The following PRKAG2 variants were observed in gnomAD, a reference collection of about 807,000 sequenced individuals.
PRKAG2 encodes the protein 5'-AMP-activated protein kinase subunit gamma-2.
In PRKAG2, 26 loss-of-function variants were observed where a neutral mutation model predicts 69.6. The observed-to-expected ratio is 0.37, with a 90% CI of 0.27 to 0.52. The LOEUF is 0.52. Ranked by LOEUF, PRKAG2 falls within the 20% of genes least tolerant of loss-of-function variation. The probability of loss-of-function intolerance (pLI) is 0.90; values close to 1 mark genes in which losing one functional copy is unlikely to be tolerated. For missense variants in PRKAG2, 557 were observed against 740.0 expected (o/e 0.75, Z 2.87); for synonymous variants, 293 against 285.0 (o/e 1.03, Z -0.28).
At chr7:151,789,580 CG>C (rs58027842) in intron 1 of PRKAG2, among the ~76,000 whole-genome samples, 26,307 of 152,204 alleles carry the variant, frequency 0.17, 5,780 homozygotes, top group African/African-American at 0.51. Flanking sequence ...CCCAGCCACT[CG>C]TACCGTCACC....
intron 4 of PRKAG2, among the ~76,000 whole-genome samples, chr7:151,665,206 T>C (rs1314634379): frequency 6.6e-6 from 1 of 152,130 alleles, no homozygotes; most frequent in East Asian, 1.9e-4. Context: ...GAGTGCTCAG[T>C]GCCTAGGACA....
intron 3 of PRKAG2, among the ~76,000 whole-genome samples, chr7:151,676,506 G>C (rs1832969992): frequency 6.6e-6 from 1 of 152,166 alleles, no homozygotes; most frequent in South Asian, 2.1e-4. Flanking sequence ...AGGAAGACTG[G>C]AGACATGAAT....
At chr7:151,689,722 C>T (rs1416619004) in intron 3 of PRKAG2, among the ~76,000 whole-genome samples, 2 of 152,186 alleles carry the variant, frequency 1.3e-5, no homozygotes, top group African/African-American at 4.8e-5. Flanking sequence ...CCAACCAGGG[C>T]TCTCCTGGGG....
rs1356372482 is a variant in PRKAG2, at chr7:151,784,530, C to T, written c.186+1940G>A. Reference sequence around the variant, plus strand: ...CTGACAGCTGGCTAGGCTTCAGAGACGCAGTGACAGGGCCGGGGAGGTGTC... The same window carrying T: ...CTGACAGCTGGCTAGGCTTCAGAGATGCAGTGACAGGGCCGGGGAGGTGTC... On this transcript the variant is annotated intron_variant, in intron 2 of 15. Coordinates refer to ENST00000287878, the MANE Select transcript of PRKAG2 (RefSeq NM_016203.4). Among the ~76,000 whole-genome samples, 10 of 152,184 alleles carry T rather than the reference C, an allele frequency of 6.6e-5. No individual in the cohort carries two copies. In the South Asian group the frequency reaches 8.3e-4, roughly 13 times the overall value.
intron 1 of PRKAG2, among the ~76,000 whole-genome samples, chr7:151,852,408 T>C (rs900523916): frequency 3.3e-5 from 5 of 152,124 alleles, no homozygotes; most frequent in South Asian, 4.1e-4. Flanking sequence ...GGCAGGAGAA[T>C]TGCTTGAACC....
intron 6 of PRKAG2, among the ~76,000 whole-genome samples, chr7:151,589,330 CT>C (rs1034472701): frequency 6.6e-6 from 1 of 152,222 alleles, no homozygotes; most frequent in Non-Finnish European, 1.5e-5. Context: ...CCAGGACCCC[CT>C]CTCCTCCACG....
chr7:151,672,729 G>A (rs1375812364), intron 4 of PRKAG2, among the ~76,000 whole-genome samples: 1 of 152,052 alleles, frequency 6.6e-6, no homozygotes, highest in Non-Finnish European at 1.5e-5. Flanking sequence ...TTAAGGCTGG[G>A]TACTATTCCA....
chr7:151,576,705 T>G (rs186800605), intron 6 of PRKAG2, among the ~76,000 whole-genome samples: 1 of 152,260 alleles, frequency 6.6e-6, no homozygotes, highest in Non-Finnish European at 1.5e-5. Flanking sequence ...TTCACCATGT[T>G]GGCTAAGCTC....
At chr7:151,790,394 G>A (rs2077217897) in intron 1 of PRKAG2, 1 of 152,154 alleles carries the variant, frequency 6.6e-6, no homozygotes, top group East Asian at 1.9e-4. Context: ...CAGTACTTTA[G>A]ATACACCTTT....
chr7:151,870,159 AGGCAGGCAGGCAGGCAGG>A lies in PRKAG2; in HGVS notation c.114+6330_114+6347del, dbSNP rs2080186102. Among the ~76,000 whole-genome samples the A allele has an allele frequency of 6.4e-5, 7 of 109,634 alleles. No homozygotes were observed. In the South Asian group the frequency reaches 1.4e-3, roughly 23 times the overall value. 71.9% of individuals were successfully genotyped at this position (109,634 alleles called of 152,430 possible). On this transcript the variant is annotated intron_variant, in intron 1 of 15. Coordinates refer to ENST00000287878, the MANE Select transcript of PRKAG2 (RefSeq NM_016203.4). The stretch of plus-strand genomic sequence containing the variant: ...TAGATAGATAGATAGATAGATAGGC[AGGCAGGCAGGCAGGCAGG>A]CAGGCAGGCAGGCAGGCAGGCAGAC...
At chr7:151,585,272 T>G (rs1033021587) in intron 6 of PRKAG2, among the ~76,000 whole-genome samples, 3 of 152,222 alleles carry the variant, frequency 2.0e-5, no homozygotes, top group African/African-American at 7.2e-5. Flanking sequence ...AAATTTCAAG[T>G]AATACATTCC....
At chr7:151,589,213 G>A (rs9640292) in intron 6 of PRKAG2, among the ~76,000 whole-genome samples, 29,154 of 152,188 alleles carry the variant, frequency 0.19, 3,412 homozygotes, top group African/African-American at 0.32. Context: ...GGCACCTCCT[G>A]TAGCAGCGGC....
In PRKAG2 at chr7:151,632,611, C is replaced by A. The variant is rs538571955; in HGVS notation, c.685-473G>T. The A allele has an allele frequency of 1.4e-5, 14 of 984,568 alleles. No homozygotes were observed. In the African/African-American group the frequency reaches 2.4e-4, roughly 17 times the overall value. 61.0% of individuals were successfully genotyped at this position (984,568 alleles called of 1,614,324 possible). Reference sequence around the variant, plus strand: ...GGCCGCGCTCGGCAGGCTCCACCTGCGCAGGTGTGGGCTCCGCGGCGCGGG... The same window carrying A: ...GGCCGCGCTCGGCAGGCTCCACCTGAGCAGGTGTGGGCTCCGCGGCGCGGG... On this transcript the variant is annotated intron_variant, in intron 4 of 15. Coordinates refer to ENST00000287878, the MANE Select transcript of PRKAG2 (RefSeq NM_016203.4). This position sits in a 1 kb window ranked among gnomAD's most constrained non-coding sequence, Gnocchi z 4.2.
chr7:151,728,267 A>AT (rs974123325), intron 3 of PRKAG2, among the ~76,000 whole-genome samples: 5 of 152,060 alleles, frequency 3.3e-5, no homozygotes, highest in Admixed American at 1.3e-4. Flanking sequence ...GACTTTGCCT[A>AT]TTTTTTTCTT....
intron 5 of PRKAG2, among the ~76,000 whole-genome samples, chr7:151,599,382 C>T (rs919643345): frequency 2.6e-5 from 4 of 152,066 alleles, no homozygotes; most frequent in African/African-American, 4.8e-5. Context: ...ATCCTAACTT[C>T]CTCACCAATC....
chr7:151,574,585 G>A (rs768350172), intron 8 of PRKAG2, among the ~76,000 whole-genome samples: 16 of 152,172 alleles, frequency 1.1e-4, no homozygotes, highest in Non-Finnish European at 2.1e-4. Flanking sequence ...CTTACAGAAC[G>A]TCTAGCTAAT....
intron 6 of PRKAG2, among the ~76,000 whole-genome samples, chr7:151,585,918 C>A (rs1013798836): frequency 6.6e-6 from 1 of 152,156 alleles, no homozygotes; most frequent in African/African-American, 2.4e-5. Flanking sequence ...CCTGAGCTGC[C>A]GCCGCAGAGC....
intron 3 of PRKAG2, among the ~76,000 whole-genome samples, chr7:151,770,213 C>A (rs1028315390): frequency 6.6e-6 from 1 of 152,196 alleles, no homozygotes; most frequent in Non-Finnish European, 1.5e-5. Flanking sequence ...TGATAAGAGA[C>A]CCCTGACCAT....
rs1205172107 is a variant in PRKAG2, at chr7:151,719,762, C to A, written c.467-44125G>T. 2.0e-5 allele frequency among the ~76,000 whole-genome samples: 3 copies of A among 149,838 alleles called. No homozygotes were observed. Among genetic ancestry groups the A allele is most frequent in the Non-Finnish European group, 4.4e-5 (3 of 67,518 alleles). On this transcript the variant is annotated intron_variant, in intron 3 of 15. Coordinates refer to ENST00000287878, the MANE Select transcript of PRKAG2 (RefSeq NM_016203.4). The surrounding 1 kb of genome is among the most constrained non-coding windows in gnomAD (Gnocchi z 5.2). ...GCCTATGTGGGCCTGGCACCCTGATCTGTTCTCAACAAGAAACTGGAGCCT... is the reference window on the plus strand; with the variant it reads ...GCCTATGTGGGCCTGGCACCCTGATATGTTCTCAACAAGAAACTGGAGCCT...
Sources: allele counts gnomAD v4.1 joint callset (sites outside exome capture counted in the v4.1 genomes callset), GRCh38; gene constraint gnomAD v4.1.1; non-coding constraint Gnocchi (gnomAD v3.1); transcripts MANE v1.5; gene names NCBI Gene and HGNC (gene_info 2026-07-23, HGNC 2026-07-21).